Variants in LIN54 observed in about 807,000 individuals in gnomAD.
The protein encoded by LIN54 is lin-54 DREAM MuvB core complex component, also known as protein lin-54 homolog.
LIN54 carries 9 observed loss-of-function variants against 78.7 expected under a neutral mutation model. The observed-to-expected ratio is 0.11, with a 90% CI of 0.07 to 0.20. LIN54 has a LOEUF of 0.20. LIN54 is among the 10% of genes least tolerant of loss of function. The probability of loss-of-function intolerance (pLI) is 1.00; values close to 1 mark genes in which losing one functional copy is unlikely to be tolerated. For synonymous variants in LIN54, 269 were observed against 318.4 expected (o/e 0.84, Z 1.65); for missense variants, 573 against 889.9 (o/e 0.64, Z 4.53).
At chr4:82,990,859 T>C (rs1727629725) in intron 1 of LIN54, among the ~76,000 whole-genome samples, 1 of 152,158 alleles carries the variant, frequency 6.6e-6, no homozygotes, top group South Asian at 2.1e-4. Flanking sequence ...TTTATTATAC[T>C]GGACAATAAG....
At chr4:82,939,335 T>C (rs1249172983) in intron 7 of LIN54, among the ~76,000 whole-genome samples, 1 of 152,226 alleles carries the variant, frequency 6.6e-6, no homozygotes, top group Non-Finnish European at 1.5e-5. Context: ...TTGTCTGACT[T>C]GTATATCTGA....
At chr4:82,947,390 T>G (rs1257432727) in intron 4 of LIN54, among the ~76,000 whole-genome samples, 1 of 109,722 alleles carries the variant, frequency 9.1e-6, no homozygotes. Context: ...CACGCCCAGT[T>G]AATTTGTGTG....
At chr4:82,972,948 TAAAA>T (rs35025108) in intron 3 of LIN54, among the ~76,000 whole-genome samples, 1 of 59,410 alleles carries the variant, frequency 1.7e-5, no homozygotes. Context: ...AGAATCCCTC[TAAAA>T]AAAAAAAAAA....
At chr4:82,993,506 C>A (rs1017809684) in intron 1 of LIN54, among the ~76,000 whole-genome samples, 1 of 152,016 alleles carries the variant, frequency 6.6e-6, no homozygotes, top group Non-Finnish European at 1.5e-5. Context: ...CGGTGAGCCA[C>A]CGCGCCCGGC....
At chr4:82,990,783 A>T (rs547573034) in intron 1 of LIN54, among the ~76,000 whole-genome samples, 2 of 152,274 alleles carry the variant, frequency 1.3e-5, no homozygotes, top group Admixed American at 6.5e-5. Context: ...GCGCCCAGCC[A>T]GGGAACCCAA....
chr4:82,927,973 T>C lies in LIN54; in HGVS notation c.*129A>G. ...ATTTAAAATTTCTTCTCCTTCAGTA[T>C]TATAATTTCAGGTCTTTTAAAACAA... On this transcript the variant is annotated 3_prime_UTR_variant, in exon 13 of 13. Transcript: ENST00000340417. 1.4e-6 allele frequency: 1 copy of C among 731,996 alleles called. No individual in the cohort carries two copies. The allele number at this position is 731,996 out of a possible 1,614,324, so 45.3% of individuals were successfully genotyped here.
intron 1 of LIN54, among the ~76,000 whole-genome samples, chr4:82,999,440 C>A (rs1383526700): frequency 6.6e-6 from 1 of 152,080 alleles, no homozygotes; most frequent in African/African-American, 2.4e-5. Flanking sequence ...GCACTTTTAG[C>A]AAATTATTTT....
chr4:82,984,088 T>C, intron 2 of LIN54, 73 bp downstream of exon 2: 1 of 1,022,752 alleles, frequency 9.8e-7, no homozygotes, highest in South Asian at 1.6e-5. Flanking sequence ...AGTAACCCTA[T>C]AAACACAACT....
chr4:82,939,220 C>T (rs1722637976), intron 7 of LIN54, among the ~76,000 whole-genome samples: 1 of 152,198 alleles, frequency 6.6e-6, no homozygotes, highest in Non-Finnish European at 1.5e-5. Context: ...ATAACAGCCA[C>T]AGTCTTTTCT....
intron 9 of LIN54, among the ~76,000 whole-genome samples, 157 bp from the exon 10 acceptor site, chr4:82,936,538 A>G (rs552581471): frequency 2.0e-5 from 3 of 152,350 alleles, no homozygotes; most frequent in East Asian, 3.9e-4. Context: ...TTAACAACAC[A>G]TATTGTCAAC....
chr4:82,945,031 T>G (rs1723246788), intron 5 of LIN54, among the ~76,000 whole-genome samples: 1 of 152,210 alleles, frequency 6.6e-6, no homozygotes, highest in African/African-American at 2.4e-5. Flanking sequence ...CCAGCTAATT[T>G]TTGTATTTTT....
chr4:82,943,767 G>A (rs1292658136), intron 5 of LIN54, among the ~76,000 whole-genome samples: 1 of 151,976 alleles, frequency 6.6e-6, no homozygotes, highest in Non-Finnish European at 1.5e-5. Context: ...CAGAAGAGTG[G>A]TGAAGGACTG....
At chr4:82,990,434 T>G (rs1727573726) in intron 1 of LIN54, among the ~76,000 whole-genome samples, 1 of 151,930 alleles carries the variant, frequency 6.6e-6, no homozygotes, top group Admixed American at 6.6e-5. Flanking sequence ...ATGCCACATA[T>G]GCAGTAGGTT....
intron 4 of LIN54, among the ~76,000 whole-genome samples, chr4:82,948,481 C>T (rs1723588019): frequency 6.6e-6 from 1 of 152,146 alleles, no homozygotes; most frequent in African/African-American, 2.4e-5. Context: ...AGCCAATATA[C>T]ATAAATGTTA....
intron 4 of LIN54, among the ~76,000 whole-genome samples, chr4:82,948,134 A>T (rs534936581): frequency 1.3e-5 from 2 of 152,298 alleles, no homozygotes; most frequent in South Asian, 4.1e-4. Context: ...AAATCAAGCA[A>T]CCTACGAGAC....
chr4:82,941,324 T>C (rs1560726018), intron 5 of LIN54, among the ~76,000 whole-genome samples: 1 of 151,922 alleles, frequency 6.6e-6, no homozygotes, highest in Non-Finnish European at 1.5e-5. Context: ...GGAAGCTTAA[T>C]CTTGGGAAGC....
intron 1 of LIN54, among the ~76,000 whole-genome samples, chr4:83,009,898 A>G (rs1729711833): frequency 6.6e-6 from 1 of 152,206 alleles, no homozygotes; most frequent in Admixed American, 6.5e-5. Flanking sequence ...CGGGGGCAGG[A>G]GGGTGAGTAT....
chr4:83,001,847 CAAAA>C (rs150165095), intron 1 of LIN54, among the ~76,000 whole-genome samples: 1 of 35,514 alleles, frequency 2.8e-5, no homozygotes, highest in Non-Finnish European at 4.4e-5. Context: ...GACTCTGTCT[CAAAA>C]AAAAAAAAAG....
rs545186548 is a variant in LIN54, at chr4:82,951,691, C to T, written c.952-5217G>A. 3.3e-5 allele frequency among the ~76,000 whole-genome samples: 5 copies of T among 152,130 alleles called. No homozygotes were observed. The South Asian group carries it at 8.3e-4, about 25-fold the overall frequency. On this transcript the variant is annotated intron_variant, in intron 4 of 12. Coordinates refer to ENST00000340417, the MANE Select transcript of LIN54 (RefSeq NM_194282.4). Reference sequence around the variant, plus strand: ...ACATGATCTGAAGAAAAAAGCTGATCCCTATACCTCATTCCTTTTAACAAA... The same window carrying T: ...ACATGATCTGAAGAAAAAAGCTGATTCCTATACCTCATTCCTTTTAACAAA...
Sources: allele counts gnomAD v4.1 joint callset (sites outside exome capture counted in the v4.1 genomes callset), GRCh38; gene constraint gnomAD v4.1.1; transcripts MANE v1.5; gene names NCBI Gene and HGNC (gene_info 2026-07-23, HGNC 2026-07-21).